Variants in PRH1 observed in about 807,000 individuals in gnomAD.
PRH1 encodes proline rich protein HaeIII subfamily 1.
In PRH1, 7 loss-of-function variants were observed where a neutral mutation model predicts 7.9. That is an observed-to-expected ratio of 0.89 (90% confidence interval 0.50 to 1.67). The LOEUF (loss-of-function observed/expected upper bound fraction) is 1.67. Ranked by LOEUF, PRH1 falls within the 40% of genes most tolerant of loss-of-function variation. The probability of loss-of-function intolerance (pLI) is 0.00; values close to 1 mark genes in which losing one functional copy is unlikely to be tolerated. For missense variants in PRH1, 109 were observed against 223.6 expected (o/e 0.49, Z 3.27); for synonymous variants, 45 against 80.8 (o/e 0.56, Z 2.38).
rs1343749962 is a variant in PRH1 at position 11,029,140 on chromosome 12, T to G, written c.-126+17880A>C. On this transcript the variant is annotated intron_variant, in intron 1 of 3. Coordinates refer to the PRH1 transcript ENST00000539853. ...TGATTAAAAAAATACACAAATCAGGTGGGGGGATGATTCATCTTAAGGTTT... is the reference window on the plus strand; with the variant it reads ...TGATTAAAAAAATACACAAATCAGGGGGGGGGATGATTCATCTTAAGGTTT... Among the ~76,000 whole-genome samples the G allele has an allele frequency of 1.6e-4, 25 of 151,806 alleles. No homozygotes were observed. The East Asian group carries it at 4.3e-3, about 26-fold the overall frequency.
Position 11,060,250 on chromosome 12 carries a change from GACA to G in PRH1, n.124-13065_124-13063del, listed in dbSNP as rs1164883888. ...TGTCAACCACTTTCATTTCATCATT[GACA>G]ACAAAATTATAACTGTAAAGCACAT... On this transcript the variant is annotated intron_variant and non_coding_transcript_variant, in intron 1 of 4. Transcript: ENST00000541977. Among the ~76,000 whole-genome samples, 4 of 151,766 alleles carry G rather than the reference GACA, an allele frequency of 2.6e-5. No homozygotes were observed. The East Asian group carries it at 7.8e-4, about 29-fold the overall frequency.
At chr12:10,986,409 T>C in intron 1 of PRH1, 1 of 1,614,014 alleles carries the variant, frequency 6.2e-7, no homozygotes, top group Non-Finnish European at 8.5e-7. Flanking sequence ...CCACATACTC[T>C]CATCCATGTT....
intron 1 of PRH1, among the ~76,000 whole-genome samples, chr12:11,070,160 G>T (rs2136203936): frequency 8.4e-6 from 1 of 119,440 alleles, no homozygotes; most frequent in East Asian, 2.1e-4. Context: ...AGGCGCCAGG[G>T]AGAGGCAATT....
At chr12:10,920,011 T>C (rs1045428410) in intron 2 of PRH1, among the ~76,000 whole-genome samples, 12 of 151,814 alleles carry the variant, frequency 7.9e-5, no homozygotes, top group Admixed American at 2.0e-4. Flanking sequence ...ACAATCCTCC[T>C]GTTTGATTCT....
chr12:10,912,839 T>A (rs1042101914), intron 2 of PRH1, among the ~76,000 whole-genome samples: 13 of 152,342 alleles, frequency 8.5e-5, no homozygotes, highest in African/African-American at 3.1e-4. Context: ...TTGATAAATG[T>A]TTTGTGTTTG....
intron 1 of PRH1, among the ~76,000 whole-genome samples, chr12:11,094,163 A>G (rs149564590): frequency 0.025 from 2,758 of 111,884 alleles, 777 homozygotes; most frequent in South Asian, 0.037. Context: ...TTAGCAGGGC[A>G]TGGTGGTGTG....
At chr12:11,148,279 T>C (rs1946936661) in intron 1 of PRH1, among the ~76,000 whole-genome samples, 1 of 151,946 alleles carries the variant, frequency 6.6e-6, no homozygotes, top group Non-Finnish European at 1.5e-5. Flanking sequence ...TACCCTTTAT[T>C]TCCTTCTCCT....
intron 2 of PRH1, among the ~76,000 whole-genome samples, chr12:10,909,764 AATAGC>A (rs1949867808): frequency 6.6e-6 from 1 of 152,240 alleles, no homozygotes; most frequent in Non-Finnish European, 1.5e-5. Flanking sequence ...TTTTATGGCT[AATAGC>A]ATAGCCAATG....
At chr12:10,935,464 C>G (rs534288846) in intron 2 of PRH1, among the ~76,000 whole-genome samples, 1 of 152,240 alleles carries the variant, frequency 6.6e-6, no homozygotes, top group East Asian at 1.9e-4. Context: ...TGATAGAACT[C>G]TATATTAATC....
chr12:11,027,743 A>G (rs1941990873), intron 1 of PRH1, among the ~76,000 whole-genome samples: 1 of 152,188 alleles, frequency 6.6e-6, no homozygotes, highest in Non-Finnish European at 1.5e-5. Context: ...GAACATACAT[A>G]GTGGTCATTA....
At chr12:10,931,918 T>C (rs1338690881) in intron 2 of PRH1, among the ~76,000 whole-genome samples, 2 of 152,206 alleles carry the variant, frequency 1.3e-5, no homozygotes. Context: ...TTTCACACTG[T>C]CCCTATTACA....
At chr12:11,124,047 T>C (rs1946013667) in intron 1 of PRH1, among the ~76,000 whole-genome samples, 1 of 152,200 alleles carries the variant, frequency 6.6e-6, no homozygotes, top group African/African-American at 2.4e-5. Context: ...GAGAATAGAA[T>C]AAAAGCTTCA....
chr12:10,909,087 T>C (rs748191777), intron 2 of PRH1: 2 of 1,613,444 alleles, frequency 1.2e-6, no homozygotes, highest in Non-Finnish European at 1.7e-6. Context: ...GGCTAGATAA[T>C]GCAGAGCTAA....
At chr12:11,148,238 G>C (rs916279124) in intron 1 of PRH1, among the ~76,000 whole-genome samples, 3 of 150,402 alleles carry the variant, frequency 2.0e-5, no homozygotes, top group Non-Finnish European at 4.4e-5. Context: ...TGCAAACAGG[G>C]ACAATTTGAC....
At chr12:11,069,859 T>C (rs1454693310) in intron 1 of PRH1, among the ~76,000 whole-genome samples, 1 of 152,206 alleles carries the variant, frequency 6.6e-6, no homozygotes, top group Non-Finnish European at 1.5e-5. Context: ...AAGGGAAGCT[T>C]AAGTCCCCTT....
At chr12:11,128,617 G>A (rs990908068) in intron 1 of PRH1, among the ~76,000 whole-genome samples, 3 of 148,652 alleles carry the variant, frequency 2.0e-5, no homozygotes, top group Non-Finnish European at 4.5e-5. Flanking sequence ...GTGGTGGCAC[G>A]CACCTATAAT....
At chr12:11,021,349 T>G (rs1941617249) in intron 1 of PRH1, among the ~76,000 whole-genome samples, 2 of 152,190 alleles carry the variant, frequency 1.3e-5, no homozygotes, top group East Asian at 1.9e-4. Context: ...CTGTACGTTC[T>G]TAATTATAAA....
intron 2 of PRH1, among the ~76,000 whole-genome samples, chr12:10,965,909 T>G (rs1938478050): frequency 6.6e-6 from 1 of 152,228 alleles, no homozygotes; most frequent in Non-Finnish European, 1.5e-5. Flanking sequence ...GAAAATTTTC[T>G]TGGGAACCAT....
In PRH1 at chr12:10,938,473, CAG is replaced by C. The variant is rs750931419; in HGVS notation, c.-59+35180_-59+35181del. On this transcript the variant is annotated intron_variant, in intron 2 of 3. Coordinates refer to the PRH1 transcript ENST00000539853. Reference sequence around the variant, plus strand: ...AGGTCCAAACTGATATGAAAAAAGACAGAGAGAAAATGGCATAGAGTAGGAAG... The same window carrying C: ...AGGTCCAAACTGATATGAAAAAAGACAGAGAAAATGGCATAGAGTAGGAAG... 233 of 1,614,006 alleles carry C rather than the reference CAG, an allele frequency of 1.4e-4. 2 individuals are homozygous for C. The highest frequency in any genetic ancestry group is 3.7e-4 in the Admixed American group (22 of 59,974).
Sources: allele counts gnomAD v4.1 joint callset (sites outside exome capture counted in the v4.1 genomes callset), GRCh38; gene constraint gnomAD v4.1.1; transcripts MANE v1.5; gene names NCBI Gene and HGNC (gene_info 2026-07-23, HGNC 2026-07-21).